The following ALDH1A2 variants were observed in gnomAD, a reference collection of about 807,000 sequenced individuals.
The protein encoded by ALDH1A2 is aldehyde dehydrogenase 1 family member A2.
In ALDH1A2, 27 loss-of-function variants were observed where a neutral mutation model predicts 60.3. The ratio of observed to expected loss-of-function variants is 0.45; its 90% CI spans 0.33 to 0.62. The LOEUF (loss-of-function observed/expected upper bound fraction) is 0.62. ALDH1A2 is among the 20% of genes least tolerant of loss of function. ALDH1A2 has a pLI of 0.02. For synonymous variants in ALDH1A2, 289 were observed against 232.4 expected (o/e 1.24, Z -2.21); for missense variants, 581 against 643.8 (o/e 0.90, Z 1.06).
intron 7 of ALDH1A2, chr15:57,980,461 T>G (rs1271318690): frequency 1.2e-5 from 4 of 332,364 alleles, no homozygotes; most frequent in Non-Finnish European, 2.5e-5. Context: ...TGTTCATGAG[T>G]ATGCATAAGA....
At chr15:58,008,924 C>G (rs1374478264) in intron 4 of ALDH1A2, among the ~76,000 whole-genome samples, 1 of 152,100 alleles carries the variant, frequency 6.6e-6, no homozygotes, top group African/African-American at 2.4e-5. Context: ...TGGAAAACAG[C>G]TGTTCTGTAA....
intron 4 of ALDH1A2, among the ~76,000 whole-genome samples, chr15:58,006,811 G>A (rs1237856012): frequency 6.7e-6 from 1 of 149,742 alleles, no homozygotes; most frequent in East Asian, 2.0e-4. Context: ...TCTCAGCTGG[G>A]GTTGAGCAAG....
In ALDH1A2 at chr15:58,050,929, T is replaced by C. The variant is rs1896759633; in HGVS notation, c.117+14605A>G. ...GGAAGGGCTCGAACACCTCAATGCA[T>C]ATCCTAAGGTTGAAGAAGGCTTTGA... On this transcript the variant is annotated intron_variant, in intron 1 of 12. Transcript: ENST00000249750. Among the ~76,000 whole-genome samples, 3 of 152,180 alleles carry C rather than the reference T, an allele frequency of 2.0e-5. 1 individual carries two copies. The highest frequency in any genetic ancestry group is 6.3e-3 in the Middle Eastern group (2 of 316).
intron 1 of ALDH1A2, among the ~76,000 whole-genome samples, chr15:58,055,988 A>G (rs1422879181): frequency 6.6e-6 from 1 of 152,078 alleles, no homozygotes; most frequent in Non-Finnish European, 1.5e-5. Flanking sequence ...TAATTCATCA[A>G]TTTATCTTGA....
intron 1 of ALDH1A2, among the ~76,000 whole-genome samples, chr15:58,027,832 G>A (rs1455078586): frequency 2.0e-5 from 3 of 151,932 alleles, no homozygotes; most frequent in African/African-American, 7.3e-5. Context: ...AATAAAGCGA[G>A]AAAATAAGAT....
At chr15:57,957,254 C>G (rs1893559604) in intron 12 of ALDH1A2, among the ~76,000 whole-genome samples, 2 of 152,150 alleles carry the variant, frequency 1.3e-5, no homozygotes, top group South Asian at 4.1e-4. Context: ...CCAGTCATCT[C>G]TCCAGCAGTT....
At position 57,955,101 on chromosome 15, in the gene ALDH1A2, C is replaced by T. The variant is rs768200276; in HGVS notation, c.*96G>A. The T allele has an allele frequency of 6.2e-6, 8 of 1,287,522 alleles. No homozygotes were observed. Among genetic ancestry groups the T allele is most frequent in the South Asian group, 4.7e-5 (4 of 84,442 alleles). The allele number at this position is 1,287,522 out of a possible 1,614,324, so 79.8% of individuals were successfully genotyped here. The stretch of plus-strand genomic sequence containing the variant: ...ATCTTTTCAATCTTTAAGTAAGGAC[C>T]GTGGCTCAACTTTGTATTCCTGAGA... On this transcript the variant is annotated 3_prime_UTR_variant, in exon 13 of 13. Coordinates refer to ENST00000249750, the MANE Select transcript of ALDH1A2 (RefSeq NM_003888.4).
chr15:58,044,020 C>T (rs4238327), intron 1 of ALDH1A2, among the ~76,000 whole-genome samples: 62,630 of 151,660 alleles, frequency 0.41, 13,122 homozygotes, highest in Non-Finnish European at 0.44. Flanking sequence ...GAATAAAGAA[C>T]GAACCCCCCA....
chr15:58,033,504 TAATC>T (rs1400312969), intron 1 of ALDH1A2, among the ~76,000 whole-genome samples: 1 of 151,904 alleles, frequency 6.6e-6, no homozygotes, highest in Non-Finnish European at 1.5e-5. Flanking sequence ...CCTTTAAAAT[TAATC>T]AATATCTTAA....
At chr15:58,065,404 C>T (rs1329449511) in intron 1 of ALDH1A2, 130 bp downstream of exon 1, 3 of 850,752 alleles carry the variant, frequency 3.5e-6, no homozygotes, top group Admixed American at 1.8e-5. Context: ...CCCTCTGCTG[C>T]GCCGGGATGA....
chr15:58,028,455 T>C (rs374584985), intron 1 of ALDH1A2, among the ~76,000 whole-genome samples: 13 of 152,136 alleles, frequency 8.5e-5, no homozygotes, highest in East Asian at 7.7e-4. Context: ...ACATGCAAAA[T>C]TGTAAAGACC....
At chr15:57,987,421 G>T (rs1318152600) in intron 7 of ALDH1A2, among the ~76,000 whole-genome samples, 2 of 152,110 alleles carry the variant, frequency 1.3e-5, no homozygotes, top group East Asian at 1.9e-4. Flanking sequence ...TGGGGGAAAA[G>T]AAACATTACT....
intron 1 of ALDH1A2, among the ~76,000 whole-genome samples, chr15:58,060,396 T>G (rs1474030267): frequency 6.6e-6 from 1 of 152,048 alleles, no homozygotes; most frequent in Non-Finnish European, 1.5e-5. Context: ...TAGATACTAT[T>G]ATCTCAATGA....
chr15:57,977,995 G>A (rs1404022235), intron 7 of ALDH1A2, among the ~76,000 whole-genome samples: 19 of 152,090 alleles, frequency 1.2e-4, no homozygotes, highest in Admixed American at 1.2e-3. Flanking sequence ...TTGGTTGTTT[G>A]TCTATTATTG....
At chr15:58,039,137 T>C (rs1222159361) in intron 1 of ALDH1A2, among the ~76,000 whole-genome samples, 1 of 151,834 alleles carries the variant, frequency 6.6e-6, no homozygotes, top group Non-Finnish European at 1.5e-5. Flanking sequence ...ATTAAATGTA[T>C]ATATCCTGTG....
At chr15:58,056,729 G>A (rs1201375023) in intron 1 of ALDH1A2, among the ~76,000 whole-genome samples, 3 of 151,986 alleles carry the variant, frequency 2.0e-5, no homozygotes, top group Non-Finnish European at 4.4e-5. Context: ...ATAGAAAAAT[G>A]AGCAAATGAT....
At chr15:57,996,486 A>G (rs1269669097) in intron 4 of ALDH1A2, among the ~76,000 whole-genome samples, 1 of 145,252 alleles carries the variant, frequency 6.9e-6, no homozygotes, top group Admixed American at 6.8e-5. Flanking sequence ...TCAGTCTTTT[A>G]TATTTTGTTT....
At chr15:58,038,339 G>A (rs1896428544) in intron 1 of ALDH1A2, among the ~76,000 whole-genome samples, 1 of 151,642 alleles carries the variant, frequency 6.6e-6, no homozygotes, top group Non-Finnish European at 1.5e-5. Flanking sequence ...CCAGGGATAA[G>A]GATATTTCTG....
chr15:57,985,489 T>C (rs1418449616), intron 7 of ALDH1A2, among the ~76,000 whole-genome samples: 11 of 152,200 alleles, frequency 7.2e-5, no homozygotes, highest in Admixed American at 7.2e-4. Context: ...ATGTATGCTA[T>C]TATTAAACCA....
Sources: allele counts gnomAD v4.1 joint callset (sites outside exome capture counted in the v4.1 genomes callset), GRCh38; gene constraint gnomAD v4.1.1; transcripts MANE v1.5; gene names NCBI Gene and HGNC (gene_info 2026-07-23, HGNC 2026-07-21).